Variants in GOLT1A observed in about 807,000 individuals in gnomAD.
GOLT1A encodes vesicle transport protein GOT1A.
In GOLT1A, 10 loss-of-function variants were observed where a neutral mutation model predicts 16.1. That is an observed-to-expected ratio of 0.62 (90% CI 0.38 to 1.05). The LOEUF is 1.05. Among genes scored for constraint, GOLT1A ranks in the 50% least tolerant of loss-of-function variants. The pLI is 0.01. For synonymous variants in GOLT1A, 60 were observed against 67.9 expected, an observed-to-expected ratio of 0.88 and a Z score of 0.57; for missense variants, 137 against 165.7, an observed-to-expected ratio of 0.83 and a Z score of 0.95.
At chr1:204,210,064 C>A (rs561051334) in intron 1 of GOLT1A, among the ~76,000 whole-genome samples, 1 of 152,152 alleles carries the variant, frequency 6.6e-6, no homozygotes, top group Admixed American at 6.5e-5. Context: ...ATCTCAAAAA[C>A]CAAAAACAAA....
intron 1 of GOLT1A, among the ~76,000 whole-genome samples, chr1:204,209,585 A>G (rs1167242681): frequency 6.6e-6 from 1 of 152,246 alleles, no homozygotes; most frequent in East Asian, 1.9e-4. Flanking sequence ...GGCACAGTCT[A>G]AGCACATATA....
At chr1:204,208,461 TG>T (rs1206116265) in intron 1 of GOLT1A, among the ~76,000 whole-genome samples, 3 of 10,684 alleles carry the variant, frequency 2.8e-4, no homozygotes, top group South Asian at 5.4e-3. Flanking sequence ...TATGTATACT[TG>T]TGTGTGTGTG....
At chr1:204,208,489 TATATATATATATAAAA>T (rs1363455320) in intron 1 of GOLT1A, among the ~76,000 whole-genome samples, 11 of 87,330 alleles carry the variant, frequency 1.3e-4, no homozygotes, top group South Asian at 4.8e-4. Context: ...TATATATATA[TATATATATATATAAAA>T]AATGAACTAC....
rs1021444845 is a variant in GOLT1A, at chr1:204,205,609, A to T, written c.26-2622T>A. Among the ~76,000 whole-genome samples the T allele has an allele frequency of 3.1e-4, 47 of 152,266 alleles. 1 individual carries two copies. ...AAACAAAAACAAAATTATCAAGACT[A>T]GATTTACTGGCTGAGTTTTATTTAC... is the stretch of plus-strand genomic sequence containing the variant. On this transcript the variant is annotated intron_variant, in intron 1 of 4. Transcript: ENST00000308302.
chr1:204,210,604 GTT>G (rs1291357069), intron 1 of GOLT1A, among the ~76,000 whole-genome samples: 1 of 152,012 alleles, frequency 6.6e-6, no homozygotes, highest in Non-Finnish European at 1.5e-5. Context: ...TTTAAAATTG[GTT>G]TAAATTTTTT....
chr1:204,199,087 AGG>A, intron 4 of GOLT1A, 106 bp downstream of exon 4: 1 of 934,626 alleles, frequency 1.1e-6, no homozygotes, highest in Non-Finnish European at 1.7e-6. Context: ...GAGGGGAGAC[AGG>A]GGAGAGGCCA....
At chr1:204,199,299 AG>A in intron 3 of GOLT1A, 41 bp from the exon 4 acceptor site, 2 of 1,514,106 alleles carry the variant, frequency 1.3e-6, no homozygotes, top group Non-Finnish European at 1.8e-6. Flanking sequence ...GTGATGGCCC[AG>A]GAAGAGAGGA....
chr1:204,212,693 C>T (rs1316646752), intron 1 of GOLT1A, among the ~76,000 whole-genome samples: 2 of 149,742 alleles, frequency 1.3e-5, no homozygotes, highest in Non-Finnish European at 3.0e-5. Flanking sequence ...CATACCTCCA[C>T]AGTCTATTCT....
intron 1 of GOLT1A, among the ~76,000 whole-genome samples, chr1:204,210,913 C>T (rs1450059370): frequency 1.3e-5 from 2 of 152,194 alleles, no homozygotes; most frequent in African/African-American, 4.8e-5. Context: ...TTCCCTCCTT[C>T]AACTTGTGCC....
rs370327793 is a variant in GOLT1A, at chr1:204,207,021, A to T, written c.26-4034T>A. Among the ~76,000 whole-genome samples, 29 of 152,336 alleles carry T rather than the reference A, an allele frequency of 1.9e-4. 1 individual carries two copies. Among genetic ancestry groups the T allele is most frequent in the African/African-American group, 7.0e-4 (29 of 41,580 alleles). On this transcript the variant is annotated intron_variant, in intron 1 of 4. Coordinates refer to ENST00000308302, the MANE Select transcript of GOLT1A (RefSeq NM_198447.2). ...CAGTGGGACACGAAACCCCACAGAA[A>T]AGGGTCAGAAACTCTGTTTCTCACA...
intron 3 of GOLT1A, among the ~76,000 whole-genome samples, chr1:204,200,152 C>G (rs997273791): frequency 1.3e-5 from 2 of 151,830 alleles, no homozygotes; most frequent in African/African-American, 4.8e-5. Flanking sequence ...ATTTATGGGT[C>G]TTCCCTACTA....
chr1:204,210,883 C>T (rs1659127179), intron 1 of GOLT1A, among the ~76,000 whole-genome samples: 1 of 152,112 alleles, frequency 6.6e-6, no homozygotes, highest in Admixed American at 6.5e-5. Context: ...AATCTTCAAT[C>T]CCAAACTGGT....
intron 3 of GOLT1A, among the ~76,000 whole-genome samples, chr1:204,199,641 C>T (rs962025681): frequency 2.0e-5 from 3 of 152,192 alleles, no homozygotes; most frequent in Non-Finnish European, 4.4e-5. Flanking sequence ...ATGATTATGA[C>T]TCTTCTGGCC....
chr1:204,203,054 C>A (rs189602653), intron 1 of GOLT1A, 67 bp from the exon 2 acceptor site: 1 of 1,233,240 alleles, frequency 8.1e-7, no homozygotes, highest in South Asian at 1.2e-5. Flanking sequence ...TGAAACTTCC[C>A]CCATTGCCAC....
rs555717642 is a variant in GOLT1A at position 204,209,036 on chromosome 1, G to A, written c.25+4846C>T. Among the ~76,000 whole-genome samples, 32 of 152,236 alleles carry A rather than the reference G, an allele frequency of 2.1e-4. 1 individual carries two copies. Among genetic ancestry groups the A allele is most frequent in the African/African-American group, 7.5e-4 (31 of 41,540 alleles). On this transcript the variant is annotated intron_variant, in intron 1 of 4. Coordinates refer to ENST00000308302, the MANE Select transcript of GOLT1A (RefSeq NM_198447.2). ...ATTCTGTGTGGTATTTAATGATCAT[G>A]TCTCTTTAAACTCTTCTGTCTGGAA...
intron 1 of GOLT1A, among the ~76,000 whole-genome samples, chr1:204,206,800 G>A (rs1188601127): frequency 2.0e-5 from 3 of 152,354 alleles, no homozygotes; most frequent in African/African-American, 2.4e-5. Flanking sequence ...TGGAAACAGC[G>A]TAAGTTTCTC....
chr1:204,212,241 G>A (rs541286507), intron 1 of GOLT1A, among the ~76,000 whole-genome samples: 8 of 152,192 alleles, frequency 5.3e-5, no homozygotes, highest in Admixed American at 1.3e-4. Context: ...TGTCCAAACC[G>A]TCAGCAAATC....
In GOLT1A at chr1:204,199,196, G is replaced by A. The variant is rs868308808; in HGVS notation, c.359C>T (p.Ala120Val). The change falls in exon 4 of 5, where the codon GCG (alanine) becomes GTG (valine). Residue 120 changes from alanine (A) to valine (V), a missense_variant and splice_region_variant. Transcript: ENST00000308302. ...GGGCTGCAGGCATCATCTGCTTACC[G>A]CACCCAGGAAGGGGATGTTGCAGAC... ...GNVCNIPFLG[A>V]LFRRLQGTSS... 1.7e-5 allele frequency: 27 copies of A among 1,594,784 alleles called. No individual in the cohort carries two copies. Among genetic ancestry groups the A allele is most frequent in the African/African-American group, 8.0e-5 (6 of 74,784 alleles).
At chr1:204,213,479 G>A (rs1028575268) in intron 1 of GOLT1A, among the ~76,000 whole-genome samples, 4 of 152,232 alleles carry the variant, frequency 2.6e-5, no homozygotes, top group African/African-American at 9.6e-5. Flanking sequence ...GTTTGGTCAG[G>A]GGAGTGGAGT....
Sources: allele counts gnomAD v4.1 joint callset (sites outside exome capture counted in the v4.1 genomes callset), GRCh38; gene constraint gnomAD v4.1.1; transcripts MANE v1.5; gene names NCBI Gene and HGNC (gene_info 2026-07-23, HGNC 2026-07-21).